KCNK13: variants seen among roughly 807,000 people sequenced by gnomAD.
KCNK13 encodes potassium channel subfamily K member 13.
Under a neutral mutation model 23.4 loss-of-function variants are expected in KCNK13, and 12 were observed. The ratio of observed to expected loss-of-function variants is 0.51; its 90% confidence interval spans 0.33 to 0.83. KCNK13 has a LOEUF of 0.83. Ranked by LOEUF, KCNK13 falls within the 40% of genes least tolerant of loss-of-function variation. The pLI is 0.02. For synonymous variants in KCNK13, 231 were observed against 229.5 expected (o/e 1.01, Z -0.06); for missense variants, 463 against 556.3 (o/e 0.83, Z 1.69).
chr14:90,147,771 G>T (rs775255847), intron 1 of KCNK13, among the ~76,000 whole-genome samples: 24 of 152,076 alleles, frequency 1.6e-4, no homozygotes, highest in Non-Finnish European at 3.1e-4. Flanking sequence ...ATGCTGTGAG[G>T]TTAGGTTATA....
intron 1 of KCNK13, among the ~76,000 whole-genome samples, chr14:90,175,300 C>T (rs540512990): frequency 2.6e-5 from 4 of 152,234 alleles, no homozygotes; most frequent in Admixed American, 1.3e-4. Flanking sequence ...GACCAGCAGG[C>T]TCCTAAGAGG....
chr14:90,169,371 G>A (rs6575108), intron 1 of KCNK13, among the ~76,000 whole-genome samples: 2 of 151,990 alleles, frequency 1.3e-5, no homozygotes, highest in East Asian at 3.9e-4. Flanking sequence ...TTATTTCCTG[G>A]ATCAGGTTTG....
At chr14:90,076,445 G>A (rs1054909650) in intron 1 of KCNK13, among the ~76,000 whole-genome samples, 3 of 152,204 alleles carry the variant, frequency 2.0e-5, no homozygotes, top group Non-Finnish European at 4.4e-5. Flanking sequence ...GGTAAAAGGT[G>A]TGTGCCAGCT....
At chr14:90,129,826 C>T (rs1889846096) in intron 1 of KCNK13, among the ~76,000 whole-genome samples, 2 of 151,856 alleles carry the variant, frequency 1.3e-5, no homozygotes, top group African/African-American at 4.8e-5. Flanking sequence ...TTTCCTTGGG[C>T]TTAACAAGCA....
chr14:90,169,686 C>T (rs993450712), intron 1 of KCNK13, among the ~76,000 whole-genome samples: 3 of 152,172 alleles, frequency 2.0e-5, no homozygotes, highest in Admixed American at 6.5e-5. Context: ...CTGGACCTCT[C>T]CATGGGCCTC....
intron 1 of KCNK13, among the ~76,000 whole-genome samples, chr14:90,128,700 T>C (rs1007167224): frequency 6.6e-6 from 1 of 152,172 alleles, no homozygotes; most frequent in East Asian, 1.9e-4. Flanking sequence ...GAGAATTTTC[T>C]CAAACATCCT....
At chr14:90,081,710 C>G (rs1485580938) in intron 1 of KCNK13, among the ~76,000 whole-genome samples, 1 of 152,208 alleles carries the variant, frequency 6.6e-6, no homozygotes, top group Non-Finnish European at 1.5e-5. Context: ...AAAGAAACCT[C>G]ATACCCTTTA....
Position 90,098,972 on chromosome 14 carries a change from G to A in KCNK13, c.334+36433G>A, listed in dbSNP as rs186762640. ...AGGTGCCTGTATTCCCAGCTGCTTG[G>A]GAGGCTAAGGCAGAGAATTGCTTGA... On this transcript the variant is annotated intron_variant, in intron 1 of 1. Coordinates refer to ENST00000282146, the MANE Select transcript of KCNK13 (RefSeq NM_022054.4). Among the ~76,000 whole-genome samples the A allele has an allele frequency of 1.2e-3, 183 of 152,072 alleles. 1 individual carries two copies. The highest frequency in any genetic ancestry group is 5.7e-4 in the Non-Finnish European group (39 of 67,994).
chr14:90,120,236 A>G (rs999257088), intron 1 of KCNK13, among the ~76,000 whole-genome samples: 2 of 152,170 alleles, frequency 1.3e-5, no homozygotes, highest in African/African-American at 4.8e-5. Flanking sequence ...TTCCCACAAA[A>G]GATGTGATCT....
At chr14:90,099,312 C>T (rs1347661131) in intron 1 of KCNK13, among the ~76,000 whole-genome samples, 2 of 152,098 alleles carry the variant, frequency 1.3e-5, no homozygotes, top group Admixed American at 6.6e-5. Context: ...TTAGGAGTAA[C>T]GGCCGGTGTA....
chr14:90,138,953 G>T (rs1474229711), intron 1 of KCNK13, among the ~76,000 whole-genome samples: 2 of 152,290 alleles, frequency 1.3e-5, no homozygotes, highest in Admixed American at 1.3e-4. Context: ...GGCAGGCAGT[G>T]TCTAGAAGGC....
chr14:90,149,121 C>G (rs1457145337), intron 1 of KCNK13, among the ~76,000 whole-genome samples: 3 of 152,178 alleles, frequency 2.0e-5, no homozygotes, highest in Non-Finnish European at 4.4e-5. Context: ...CTTTGGGAAG[C>G]TGAGGCGGGG....
chr14:90,071,244 A>G (rs962679666), intron 1 of KCNK13, among the ~76,000 whole-genome samples: 1 of 152,190 alleles, frequency 6.6e-6, no homozygotes, highest in Non-Finnish European at 1.5e-5. Flanking sequence ...GGTCCTGTCC[A>G]AGAAGCTGTC....
At chr14:90,085,520 A>G (rs1051015427) in intron 1 of KCNK13, among the ~76,000 whole-genome samples, 5 of 150,856 alleles carry the variant, frequency 3.3e-5, no homozygotes, top group African/African-American at 1.2e-4. Context: ...TTAGCCGGGC[A>G]TGGTGGCACA....
At chr14:90,102,241 T>C (rs1889491117) in intron 1 of KCNK13, among the ~76,000 whole-genome samples, 2 of 152,148 alleles carry the variant, frequency 1.3e-5, no homozygotes. Context: ...TTCAGATCTA[T>C]ACGGGCTCCA....
chr14:90,167,250 T>C (rs1024098041), intron 1 of KCNK13, among the ~76,000 whole-genome samples: 1 of 152,194 alleles, frequency 6.6e-6, no homozygotes, highest in Non-Finnish European at 1.5e-5. Context: ...TAGAGAGGTT[T>C]AACCCTCGTA....
At chr14:90,075,785 C>T (rs190708440) in intron 1 of KCNK13, among the ~76,000 whole-genome samples, 86 of 152,234 alleles carry the variant, frequency 5.6e-4, no homozygotes, top group African/African-American at 1.7e-3. Context: ...CAGGTCTAGA[C>T]TTATCTTTTT....
In KCNK13 at chr14:90,184,006, T is replaced by C; in HGVS notation, c.335-105T>C. 9.9e-7 allele frequency: 1 copy of C among 1,011,568 alleles called. No homozygotes were observed. Among genetic ancestry groups the C allele is most frequent in the Non-Finnish European group, 1.5e-6 (1 of 677,222 alleles). 62.7% of individuals were successfully genotyped at this position (1,011,568 alleles called of 1,614,324 possible). The stretch of plus-strand genomic sequence containing the variant: ...CTAGAAAGACTAAGGCTGAGTGATT[T>C]TATGAAACTCTCTTTAGGTCCTTTG... On this transcript the variant is annotated intron_variant, in intron 1 of 1. Coordinates refer to ENST00000282146, the MANE Select transcript of KCNK13 (RefSeq NM_022054.4). The surrounding 1 kb of genome is among the most constrained non-coding windows in gnomAD (Gnocchi z 5.6).
At chr14:90,139,659 G>A (rs1596795087) in intron 1 of KCNK13, among the ~76,000 whole-genome samples, 3 of 152,156 alleles carry the variant, frequency 2.0e-5, no homozygotes, top group Admixed American at 2.0e-4. Context: ...AGCAAGAAAA[G>A]AAGCAGAAAC....
Sources: gnomAD v4.1 joint callset for allele counts (sites outside exome capture counted in the v4.1 genomes callset) on GRCh38, gnomAD v4.1.1 for gene constraint, Gnocchi (gnomAD v3.1) non-coding constraint, MANE v1.5 for transcripts, NCBI Gene and HGNC (gene_info 2026-07-23, HGNC 2026-07-21) for gene names.